The following ARVCF variants were observed in gnomAD, a reference collection of about 807,000 sequenced individuals.
The protein encoded by ARVCF is splicing regulator ARVCF.
Under a neutral mutation model 90.9 loss-of-function variants are expected in ARVCF, and 66 were observed. That is an observed-to-expected ratio of 0.73 (90% CI 0.60 to 0.89). The LOEUF (loss-of-function observed/expected upper bound fraction) is 0.89, where lower values mean the gene tolerates loss of function less well. Among genes scored for constraint, ARVCF ranks in the 40% least tolerant of loss-of-function variants. The pLI is 0.00. For synonymous variants in ARVCF, 653 were observed against 603.4 expected, an observed-to-expected ratio of 1.08 and a Z score of -1.21; for missense variants, 1,469 against 1,382.3, an observed-to-expected ratio of 1.06 and a Z score of -1.00.
intron 1 of ARVCF, among the ~76,000 whole-genome samples, chr22:20,014,790 G>T (rs1188996252): frequency 1.3e-5 from 2 of 152,216 alleles, no homozygotes; most frequent in African/African-American, 4.8e-5. Context: ...AGAGACCGGG[G>T]ATCCTGCTGC....
chr22:20,005,445 GATCA>G (rs2146468493), intron 2 of ARVCF, among the ~76,000 whole-genome samples: 1 of 151,324 alleles, frequency 6.6e-6, no homozygotes, highest in Non-Finnish European at 1.5e-5. Context: ...GGGAATGTAA[GATCA>G]GTATGGCAAT....
intron 11 of ARVCF, among the ~76,000 whole-genome samples, chr22:19,975,358 A>G (rs1943092768): frequency 6.6e-6 from 1 of 152,190 alleles, no homozygotes. Context: ...CTTTGTGGCT[A>G]ACACAGGAGG....
intron 2 of ARVCF, among the ~76,000 whole-genome samples, chr22:20,005,980 T>C (rs1300790440): frequency 6.6e-6 from 1 of 152,140 alleles, no homozygotes; most frequent in Non-Finnish European, 1.5e-5. Context: ...TTCTGACATA[T>C]GATATTCTCA....
chr22:20,015,547 C>T (rs1172060025), intron 1 of ARVCF, among the ~76,000 whole-genome samples: 1 of 152,084 alleles, frequency 6.6e-6, no homozygotes, highest in Non-Finnish European at 1.5e-5. Flanking sequence ...TAAACACCGC[C>T]CAGATCCCAG....
intron 5 of ARVCF, 127 bp downstream of exon 5, chr22:19,981,084 G>A (rs1014341486): frequency 1.6e-6 from 2 of 1,272,316 alleles, no homozygotes; most frequent in Admixed American, 3.0e-5. Context: ...CGAGAGCCAA[G>A]GCCAATTCAA....
intron 2 of ARVCF, among the ~76,000 whole-genome samples, chr22:20,007,134 C>T (rs1944659331): frequency 6.6e-6 from 1 of 152,048 alleles, no homozygotes; most frequent in Non-Finnish European, 1.5e-5. Flanking sequence ...AGCGGTGGCT[C>T]ACACCTGTAA....
chr22:19,976,643 C>A, intron 10 of ARVCF, 63 bp downstream of exon 10: 1 of 1,542,646 alleles, frequency 6.5e-7, no homozygotes, highest in Non-Finnish European at 8.8e-7. Flanking sequence ...GGAACGTGCT[C>A]GCCTCTTCCC....
intron 2 of ARVCF, among the ~76,000 whole-genome samples, chr22:20,006,316 G>A (rs1944622483): frequency 6.6e-6 from 1 of 152,008 alleles, no homozygotes; most frequent in Admixed American, 6.6e-5. Context: ...GGTGGCTCAC[G>A]CCTGTAATCT....
chr22:19,969,784 G>C (rs1279248817), downstream of ARVCF: 12 of 958,058 alleles, frequency 1.3e-5, no homozygotes, highest in Admixed American at 7.4e-4. Context: ...GGACACAGCA[G>C]ATGGGCACCT....
At chr22:19,987,656 G>A (rs994585327) in intron 3 of ARVCF, among the ~76,000 whole-genome samples, 13 of 152,166 alleles carry the variant, frequency 8.5e-5, no homozygotes, top group Non-Finnish European at 1.5e-4. Flanking sequence ...AATGGGGGCC[G>A]ATGAGACAGT....
At chr22:19,991,912 A>G (rs1196921703) in intron 2 of ARVCF, among the ~76,000 whole-genome samples, 2 of 152,208 alleles carry the variant, frequency 1.3e-5, no homozygotes, top group African/African-American at 4.8e-5. Flanking sequence ...CCGCCAGCCC[A>G]CTGAGGCCAA....
chr22:19,986,741 C>T (rs1257385446), intron 3 of ARVCF: 2 of 295,200 alleles, frequency 6.8e-6, no homozygotes, highest in Non-Finnish European at 1.3e-5. Context: ...TCCCCAGGCA[C>T]CTGTCCTGGG....
At chr22:20,010,203 C>G (rs1199942242) in intron 2 of ARVCF, among the ~76,000 whole-genome samples, 1 of 152,218 alleles carries the variant, frequency 6.6e-6, no homozygotes, top group Non-Finnish European at 1.5e-5. Context: ...ACAGGCTTGT[C>G]CCTAAAGCCA....
Position 19,977,467 on chromosome 22 carries a change from G to T in ARVCF, c.1818C>A (p.Ser606=). 1 of 1,571,720 alleles carries T rather than the reference G, an allele frequency of 6.4e-7. No homozygotes were observed. The highest frequency in any genetic ancestry group is 8.6e-7 in the Non-Finnish European group (1 of 1,159,898). ...EPGPLGSAVG[S]QRRRRDDASC... Reference sequence around the variant, plus strand: ...TGGCATCATCCCGCCTCCGGCGCTGGGAGCCTACAGCACTGCCCAGGGGCC... The same window carrying T: ...TGGCATCATCCCGCCTCCGGCGCTGTGAGCCTACAGCACTGCCCAGGGGCC... The change falls in exon 9 of 20, where the codon TCC becomes TCA. Residue 606 remains serine, a synonymous_variant. Transcript: ENST00000263207.
chr22:19,972,068 C>T (rs983172209), intron 17 of ARVCF, 97 bp from the exon 18 acceptor site: 115 of 1,250,666 alleles, frequency 9.2e-5, no homozygotes, highest in Non-Finnish European at 1.2e-4. Context: ...ACTCGTGGGA[C>T]AGGGGCTTTG....
chr22:19,971,297 G>C lies in ARVCF; in HGVS notation c.2820C>G (p.Ser940Arg), dbSNP rs777235118. The C allele has an allele frequency of 4.5e-6, 7 of 1,556,252 alleles. No homozygotes were observed. The highest frequency in any genetic ancestry group is 1.4e-5 in the African/African-American group (1 of 73,556). ...CGTCCACCAGCCTGACCGCGGGCCT[G>C]CTGGGCCCGGGGGGAGGGGCCTTCC... ...PSRKAPPPGP[S>R]RPAVRLVDAV... The change falls in exon 19 of 20, where the codon AGC becomes AGG. Residue 940 changes from serine to arginine, a missense_variant. By Grantham distance (110) the Ser-to-Arg change is moderately radical. Transcript: ENST00000263207.
At position 19,980,002 on chromosome 22, in the gene ARVCF, G is replaced by C. The variant is rs144850362; in HGVS notation, c.1137C>G (p.Ala379=). 12 of 1,594,024 alleles carry C rather than the reference G, an allele frequency of 7.5e-6. No individual in the cohort carries two copies. The highest frequency in any genetic ancestry group is 1.0e-5 in the Non-Finnish European group (12 of 1,170,890). ...CAAAGCACAGATGCTGCAGGTAGGC[G>C]GCCGCATTGGCCTTCACGGGGTCCA... ...HPVDPVKANA[A]AYLQHLCFEN... Residue 379 remains alanine (A), a synonymous_variant, in exon 6 of 20, where the codon GCC becomes GCG. Transcript: ENST00000263207.
chr22:19,977,619 AC>A, intron 8 of ARVCF, 33 bp from the exon 9 acceptor site: 1 of 1,496,846 alleles, frequency 6.7e-7, no homozygotes, highest in South Asian at 1.4e-5. Flanking sequence ...GGGGCAGGGC[AC>A]CCTAGGCACA....
chr22:19,982,865 A>G (rs1943580518), intron 3 of ARVCF, among the ~76,000 whole-genome samples: 1 of 152,220 alleles, frequency 6.6e-6, no homozygotes, highest in Admixed American at 6.5e-5. Context: ...ATTTGAGCCT[A>G]TGGGTGCCCT....
Sources: allele counts gnomAD v4.1 joint callset (sites outside exome capture counted in the v4.1 genomes callset), GRCh38; gene constraint gnomAD v4.1.1; transcripts MANE v1.5; gene names NCBI Gene and HGNC (gene_info 2026-07-23, HGNC 2026-07-21).